BBS9: variants seen among roughly 807,000 people sequenced by gnomAD.
The protein encoded by BBS9 is Bardet-Biedl syndrome 9, also known as protein PTHB1.
BBS9 carries 89 observed loss-of-function variants against 117.7 expected under a neutral mutation model. The observed-to-expected ratio is 0.76, with a 90% CI of 0.64 to 0.90. The LOEUF is 0.90. Among genes scored for constraint, BBS9 ranks in the 40% least tolerant of loss-of-function variants. BBS9 has a pLI of 0.00. For synonymous variants in BBS9, 379 were observed against 370.9 expected (o/e 1.02, Z -0.25); for missense variants, 982 against 1,042.2 (o/e 0.94, Z 0.80).
At chr7:33,502,733 C>A (rs1563266361) in intron 19 of BBS9, among the ~76,000 whole-genome samples, 1 of 152,106 alleles carries the variant, frequency 6.6e-6, no homozygotes, top group Non-Finnish European at 1.5e-5. Flanking sequence ...TAGTAGTATG[C>A]CCATCTCTGA....
intron 19 of BBS9, among the ~76,000 whole-genome samples, chr7:33,487,154 CTT>C (rs1317861722): frequency 6.6e-6 from 1 of 152,176 alleles, no homozygotes; most frequent in African/African-American, 2.4e-5. Context: ...TCTGGCCAAT[CTT>C]TACTCTTAAA....
intron 9 of BBS9, among the ~76,000 whole-genome samples, chr7:33,331,657 C>T (rs1814068399): frequency 9.1e-5 from 12 of 132,178 alleles, no homozygotes; most frequent in Admixed American, 8.5e-4. Flanking sequence ...CCTTTTACAA[C>T]TGCCAAAAAA....
At chr7:33,497,259 C>T (rs1263543673) in intron 19 of BBS9, among the ~76,000 whole-genome samples, 1 of 152,102 alleles carries the variant, frequency 6.6e-6, no homozygotes, top group East Asian at 1.9e-4. Flanking sequence ...ACTTGGGTTC[C>T]ATTCAAATTG....
At chr7:33,137,681 A>G (rs188569551) in intron 1 of BBS9, among the ~76,000 whole-genome samples, 20 of 152,304 alleles carry the variant, frequency 1.3e-4, no homozygotes, top group East Asian at 9.6e-4. Flanking sequence ...AACTGGAGAG[A>G]CGCACTTGGG....
chr7:33,221,176 C>T (rs1790175119), intron 5 of BBS9, among the ~76,000 whole-genome samples: 1 of 152,126 alleles, frequency 6.6e-6, no homozygotes, highest in Non-Finnish European at 1.5e-5. Context: ...TTTGTTCATA[C>T]CTTACCTTTA....
chr7:33,241,751 A>G (rs1794561278), intron 5 of BBS9, among the ~76,000 whole-genome samples: 1 of 151,938 alleles, frequency 6.6e-6, no homozygotes, highest in Admixed American at 6.6e-5. Context: ...CTTAATTATT[A>G]TATTTTTTAT....
chr7:33,606,534 AC>A (rs1388044421), downstream of BBS9, among the ~76,000 whole-genome samples: 1 of 152,184 alleles, frequency 6.6e-6, no homozygotes, highest in African/African-American at 2.4e-5. Context: ...GTACGGCACA[AC>A]TGCCAAGGCC....
intron 16 of BBS9, among the ~76,000 whole-genome samples, chr7:33,362,971 G>C (rs1563064852): frequency 6.6e-6 from 1 of 152,034 alleles, no homozygotes; most frequent in Non-Finnish European, 1.5e-5. Context: ...GTTTCTCTCT[G>C]TGAGGGTTGG....
chr7:33,149,486 C>T (rs930814774), intron 2 of BBS9, among the ~76,000 whole-genome samples: 7 of 152,152 alleles, frequency 4.6e-5, no homozygotes, highest in Non-Finnish European at 1.0e-4. Flanking sequence ...AAATTGAACA[C>T]CCCATGCATT....
At chr7:33,195,453 T>C (rs1202934144) in intron 5 of BBS9, among the ~76,000 whole-genome samples, 1 of 152,034 alleles carries the variant, frequency 6.6e-6, no homozygotes, top group African/African-American at 2.4e-5. Flanking sequence ...TGAGGGTGAG[T>C]AACTTGGGCC....
chr7:33,602,193 A>G (rs1863893751), intron 21 of BBS9, among the ~76,000 whole-genome samples: 1 of 125,364 alleles, frequency 8.0e-6, no homozygotes, highest in South Asian at 2.6e-4. Flanking sequence ...GAAGAGGCTG[A>G]GCAGGTGCAG....
chr7:33,363,684 A>ATT (rs754006835), intron 16 of BBS9, among the ~76,000 whole-genome samples: 6 of 139,020 alleles, frequency 4.3e-5, no homozygotes, highest in East Asian at 2.1e-4. Flanking sequence ...TATTTTTTAG[A>ATT]TTTTTTTTTT....
At chr7:33,314,050 A>T (rs1330220054) in intron 9 of BBS9, among the ~76,000 whole-genome samples, 1 of 152,174 alleles carries the variant, frequency 6.6e-6, no homozygotes, top group Non-Finnish European at 1.5e-5. Flanking sequence ...AGGACCAACA[A>T]GACATGATTA....
Position 33,604,915 on chromosome 7 carries a change from C to A in BBS9, c.2572C>A (p.Gln858Lys). 6.2e-7 allele frequency: 1 copy of A among 1,613,766 alleles called. No homozygotes were observed. The highest frequency in any genetic ancestry group is 8.5e-7 in the Non-Finnish European group (1 of 1,179,758). ...ESDLEERSVE[Q>K]DSTELFTNHR... ...AGACCTAGAAGAAAGATCAGTAGAACAAGACTCTACAGAACTGTTTACCAA... is the reference window on the plus strand; with the variant it reads ...AGACCTAGAAGAAAGATCAGTAGAAAAAGACTCTACAGAACTGTTTACCAA... The change falls in exon 22 of 23, where the codon CAA (glutamine) becomes AAA (lysine). Residue 858 changes from glutamine to lysine, a missense_variant. Gln to Lys is a moderately conservative substitution (Grantham distance 53). Transcript: ENST00000242067.
chr7:33,516,573 A>G (rs541216339), intron 20 of BBS9, among the ~76,000 whole-genome samples: 1 of 150,862 alleles, frequency 6.6e-6, no homozygotes, highest in African/African-American at 2.4e-5. Context: ...TCTTGTTTTA[A>G]TCAAGAGGGA....
At chr7:33,328,468 C>T (rs191321791) in intron 9 of BBS9, among the ~76,000 whole-genome samples, 3 of 152,286 alleles carry the variant, frequency 2.0e-5, no homozygotes, top group East Asian at 1.9e-4. Context: ...CAAGTGCCCA[C>T]GTCCAGTACT....
intron 20 of BBS9, among the ~76,000 whole-genome samples, chr7:33,521,946 T>A (rs1585110498): frequency 7.3e-6 from 1 of 137,604 alleles, no homozygotes; most frequent in East Asian, 2.2e-4. Flanking sequence ...CCTTCCTGTG[T>A]CCATGTGATC....
chr7:33,611,620 T>C (rs1004822516), intron 21 of BBS9, among the ~76,000 whole-genome samples: 13 of 134,556 alleles, frequency 9.7e-5, no homozygotes, highest in Non-Finnish European at 2.0e-4. Flanking sequence ...TTAATATTAA[T>C]TATTTAATAA....
At chr7:33,456,588 C>T (rs758544776) in intron 19 of BBS9, among the ~76,000 whole-genome samples, 25 of 151,822 alleles carry the variant, frequency 1.6e-4, no homozygotes, top group Non-Finnish European at 3.7e-4. Flanking sequence ...TGAATTTAAA[C>T]GAGGACTTTC....
Sources: gnomAD v4.1 joint callset for allele counts (sites outside exome capture counted in the v4.1 genomes callset) on GRCh38, gnomAD v4.1.1 for gene constraint, MANE v1.5 for transcripts, NCBI Gene and HGNC (gene_info 2026-07-23, HGNC 2026-07-21) for gene names.